The following SVIL variants were observed in gnomAD, a reference collection of about 807,000 sequenced individuals.
SVIL encodes the protein archvillin.
A neutral mutation model predicts 240.4 loss-of-function variants in SVIL; 101 were observed. The ratio of observed to expected loss-of-function variants is 0.42; its 90% confidence interval spans 0.36 to 0.50. SVIL has a LOEUF of 0.50. Among genes scored for constraint, SVIL ranks in the 20% least tolerant of loss-of-function variants. The pLI is 0.01. For missense variants in SVIL, 2,512 were observed against 2,818.7 expected (o/e 0.89, Z 2.46); for synonymous variants, 999 against 1,100.0 (o/e 0.91, Z 1.82).
At chr10:29,505,872 G>T (rs551837619) in intron 17 of SVIL, among the ~76,000 whole-genome samples, 8 of 152,012 alleles carry the variant, frequency 5.3e-5, no homozygotes, top group African/African-American at 1.5e-4. Context: ...GTCCCTCAGC[G>T]TCTATGGGGG....
At chr10:29,478,924 C>CAAAAA (rs71020791) in intron 29 of SVIL, among the ~76,000 whole-genome samples, 1 of 63,040 alleles carries the variant, frequency 1.6e-5, no homozygotes, top group Non-Finnish European at 3.1e-5. Context: ...AACCCTGTCT[C>CAAAAA]AAAAAAAAAA....
intron 5 of SVIL, 121 bp downstream of exon 5, chr10:29,554,662 T>G (rs1211416444): frequency 1.6e-6 from 2 of 1,277,538 alleles, no homozygotes; most frequent in East Asian, 5.5e-5. Flanking sequence ...GCTAAAAAAA[T>G]TATATCCACA....
At chr10:29,717,491 T>C (rs1963702446) in intron 1 of SVIL, among the ~76,000 whole-genome samples, 1 of 152,118 alleles carries the variant, frequency 6.6e-6, no homozygotes, top group Non-Finnish European at 1.5e-5. Context: ...ATCAAAAGCA[T>C]TATATAAATT....
In SVIL at chr10:29,524,402, G is replaced by C. The variant is rs528484615; in HGVS notation, c.2586+70C>G. 6.9e-6 allele frequency: 11 copies of C among 1,594,334 alleles called. No individual in the cohort carries two copies. In the East Asian group the frequency reaches 2.5e-4, roughly 36 times the overall value. ...CACCTTAATTACATCATTGACCTCA[G>C]AGGAATACTGCAGTGCTATAATTTA... is the stretch of plus-strand genomic sequence containing the variant. On this transcript the variant is annotated intron_variant, in intron 14 of 37. Coordinates refer to ENST00000355867, the MANE Select transcript of SVIL (RefSeq NM_021738.3).
intron 1 of SVIL, among the ~76,000 whole-genome samples, chr10:29,623,941 G>C (rs189145418): frequency 1.7e-3 from 265 of 152,244 alleles, no homozygotes; most frequent in Non-Finnish European, 2.9e-3. Context: ...GTATGTAGTG[G>C]GCTGTACCAT....
intron 8 of SVIL, 126 bp from the exon 9 acceptor site, chr10:29,532,298 T>TA (rs1164204597): frequency 3.2e-6 from 4 of 1,266,834 alleles, no homozygotes; most frequent in African/African-American, 3.0e-5. Context: ...TTCATGCCTC[T>TA]ACCATGCACG....
intron 6 of SVIL, among the ~76,000 whole-genome samples, chr10:29,541,713 C>T (rs1770022669): frequency 6.6e-6 from 1 of 152,140 alleles, no homozygotes; most frequent in South Asian, 2.1e-4. Flanking sequence ...CCCCTCATCT[C>T]CTGATTGGAA....
intron 7 of SVIL, among the ~76,000 whole-genome samples, chr10:29,533,750 C>G (rs531931028): frequency 1.3e-5 from 2 of 152,116 alleles, no homozygotes; most frequent in East Asian, 3.9e-4. Context: ...AATAAATACC[C>G]AGAAGCCACA....
Position 29,563,197 on chromosome 10 carries a change from T to G in SVIL, c.-51+4A>C. 1 of 974,462 alleles carries G rather than the reference T, an allele frequency of 1.0e-6. No individual in the cohort carries two copies. The highest frequency in any genetic ancestry group is 1.2e-6 in the Non-Finnish European group (1 of 819,568). The allele number at this position is 974,462 out of a possible 1,614,324, so 60.4% of individuals were successfully genotyped here. ...CATGGTTGGTCACTTAGGAACAGCC[T>G]TACCTTTAGGAAGTGCAACTAAAAG... On this transcript the variant is annotated splice_donor_region_variant and intron_variant, in intron 3 of 37. Coordinates refer to ENST00000355867, the MANE Select transcript of SVIL (RefSeq NM_021738.3).
At chr10:29,631,586 C>T (rs1958096572) in intron 1 of SVIL, among the ~76,000 whole-genome samples, 3 of 151,348 alleles carry the variant, frequency 2.0e-5, no homozygotes, top group South Asian at 4.2e-4. Flanking sequence ...ACCAGCCTGA[C>T]CAACATGGTG....
At chr10:29,604,845 A>T (rs1956959279) in intron 1 of SVIL, among the ~76,000 whole-genome samples, 1 of 152,178 alleles carries the variant, frequency 6.6e-6, no homozygotes, top group African/African-American at 2.4e-5. Context: ...CTGGGGTTAT[A>T]GCCCCGAGCC....
intron 16 of SVIL, among the ~76,000 whole-genome samples, chr10:29,514,925 C>T (rs767188864): frequency 2.4e-4 from 37 of 152,084 alleles, no homozygotes; most frequent in Non-Finnish European, 4.1e-4. Context: ...AACAAGAATC[C>T]GGCGACATCT....
At chr10:29,674,678 A>G (rs1443492442) in intron 2 of SVIL, among the ~76,000 whole-genome samples, 3 of 152,220 alleles carry the variant, frequency 2.0e-5, no homozygotes, top group Non-Finnish European at 4.4e-5. Flanking sequence ...GACTTAAAAC[A>G]ACACAAATTC....
rs74129738 is a variant in SVIL at position 29,593,945 on chromosome 10, G to A, written c.-200-24633C>T. Among the ~76,000 whole-genome samples the A allele has an allele frequency of 3.6e-3, 549 of 152,198 alleles. 6 individuals carry two copies. Among genetic ancestry groups the A allele is most frequent in the African/African-American group, 0.012 (511 of 41,516 alleles). ...GAGGGGAGGGAGGAATACATAGGTGGAGCACAGTGGAGTTTTCAAGGCGGT... is the reference window on the plus strand; with the variant it reads ...GAGGGGAGGGAGGAATACATAGGTGAAGCACAGTGGAGTTTTCAAGGCGGT... On this transcript the variant is annotated intron_variant, in intron 1 of 37. Coordinates refer to ENST00000355867, the MANE Select transcript of SVIL (RefSeq NM_021738.3).
intron 1 of SVIL, among the ~76,000 whole-genome samples, chr10:29,581,106 C>A (rs1955927561): frequency 6.6e-6 from 1 of 152,190 alleles, no homozygotes; most frequent in Non-Finnish European, 1.5e-5. Flanking sequence ...ATGATGATGG[C>A]TGGAGTGAAA....
chr10:29,734,558 C>G (rs1964789461), intron 1 of SVIL, among the ~76,000 whole-genome samples: 1 of 152,192 alleles, frequency 6.6e-6, no homozygotes, highest in Admixed American at 6.5e-5. Context: ...GAAGAGCCTT[C>G]CACATTGTGT....
In SVIL at chr10:29,484,642, G is replaced by A. The variant is rs373173147; in HGVS notation, c.4955+14C>T. The A allele has an allele frequency of 2.2e-5, 35 of 1,605,026 alleles. No homozygotes were observed. In the African/African-American group the frequency reaches 2.3e-4, roughly 10 times the overall value. ...CTCGCTTGAAGAGCTGTCCCCGGGC[G>A]GCGGCAGGAGTACCTGGGGATAAGC... On this transcript the variant is annotated intron_variant, in intron 27 of 37. Coordinates refer to ENST00000355867, the MANE Select transcript of SVIL (RefSeq NM_021738.3). This position sits in a 1 kb window ranked among gnomAD's most constrained non-coding sequence, Gnocchi z 4.7.
intron 2 of SVIL, among the ~76,000 whole-genome samples, chr10:29,678,018 A>T (rs1012532486): frequency 3.9e-5 from 6 of 152,098 alleles, no homozygotes; most frequent in Admixed American, 2.0e-4. Context: ...TTCCTTTTAG[A>T]AGTGAAGCCA....
At chr10:29,472,964 A>G (rs559146772) in intron 30 of SVIL, among the ~76,000 whole-genome samples, 1 of 152,304 alleles carries the variant, frequency 6.6e-6, no homozygotes, top group East Asian at 1.9e-4. Flanking sequence ...GTAACATTTC[A>G]ACAGAAACCT....
Sources: gnomAD v4.1 joint callset for allele counts (sites outside exome capture counted in the v4.1 genomes callset) on GRCh38, gnomAD v4.1.1 for gene constraint, Gnocchi (gnomAD v3.1) non-coding constraint, MANE v1.5 for transcripts, NCBI Gene and HGNC (gene_info 2026-07-23, HGNC 2026-07-21) for gene names.